The following MUC15 variants were observed in gnomAD, a reference collection of about 807,000 sequenced individuals.
The protein encoded by MUC15 is mucin 15, cell surface associated, also known as mucin-15.
A neutral mutation model predicts 24.0 loss-of-function variants in MUC15; 23 were observed. The ratio of observed to expected loss-of-function variants is 0.96; its 90% confidence interval spans 0.69 to 1.36. The LOEUF is 1.36. Ranked by LOEUF, MUC15 falls within the 40% of genes most tolerant of loss-of-function variation. MUC15 has a pLI of 0.00. For missense variants in MUC15, 442 were observed against 428.2 expected, an observed-to-expected ratio of 1.03 and a Z score of -0.29; for synonymous variants, 151 against 156.3, an observed-to-expected ratio of 0.97 and a Z score of 0.25.
At position 26,560,865 on chromosome 11, in the gene MUC15, A is replaced by G; in HGVS notation, c.*200T>C. 1 of 491,156 alleles carries G rather than the reference A, an allele frequency of 2.0e-6. No homozygotes were observed. Among genetic ancestry groups the G allele is most frequent in the Non-Finnish European group, 3.5e-6 (1 of 284,498 alleles). 30.4% of individuals were successfully genotyped at this position (491,156 alleles called of 1,614,324 possible). A position where few individuals can be genotyped will look rare whatever the true frequency, so the allele number is the denominator to read the frequency against. On this transcript the variant is annotated 3_prime_UTR_variant, in exon 5 of 5. Coordinates refer to ENST00000529533, the MANE Select transcript of MUC15 (RefSeq NM_001135091.2). ...ATTAAGGCTACTTAGTAAATGCCTCAGGATGGCCAAAAATTGTAAGAAAGA... is the reference window on the plus strand; with the variant it reads ...ATTAAGGCTACTTAGTAAATGCCTCGGGATGGCCAAAAATTGTAAGAAAGA...
At chr11:26,564,101 A>G (rs1239273062) in intron 3 of MUC15, among the ~76,000 whole-genome samples, 1 of 151,816 alleles carries the variant, frequency 6.6e-6, no homozygotes, top group Non-Finnish European at 1.5e-5. Flanking sequence ...ACTAAAAGAG[A>G]AGTAAGCTAA....
intron 3 of MUC15, 115 bp downstream of exon 3, chr11:26,565,050 T>C (rs1850511668): frequency 3.9e-5 from 41 of 1,048,702 alleles, no homozygotes; most frequent in Non-Finnish European, 5.0e-5. Context: ...AGAAAATCCA[T>C]GCTATTGTGT....
rs1394148373 is a variant in MUC15, at chr11:26,572,112, G to A, written c.-117C>T. 2.0e-6 allele frequency: 2 copies of A among 985,146 alleles called. No homozygotes were observed. Among genetic ancestry groups the A allele is most frequent in the Non-Finnish European group, 2.4e-6 (2 of 829,870 alleles). 61.0% of individuals were successfully genotyped at this position (985,146 alleles called of 1,614,324 possible). ...TTGTCCTGTCTGAAAGGAATCTGTC[G>A]TGCATTAGAGAAAACAGATGGGTTA... On this transcript the variant is annotated 5_prime_UTR_variant, in exon 1 of 5. In the 5' UTR this introduces an upstream ATG that the reference lacks. Transcript: ENST00000529533.
chr11:26,563,355 G>A lies in MUC15; in HGVS notation c.776-90C>T. The stretch of plus-strand genomic sequence containing the variant: ...GTGAACTTTCCATATAACAAAGAAT[G>A]TTTAACATTTTAAAATTAGATAATG... On this transcript the variant is annotated intron_variant, in intron 3 of 4. Coordinates refer to ENST00000529533, the MANE Select transcript of MUC15 (RefSeq NM_001135091.2). 3.1e-6 allele frequency: 4 copies of A among 1,278,794 alleles called. No individual in the cohort carries two copies. The South Asian group carries it at 4.8e-5, about 15-fold the overall frequency. 79.2% of individuals were successfully genotyped at this position (1,278,794 alleles called of 1,614,324 possible).
chr11:26,564,728 CACACATATATATATATATATATATAT>C (rs1273371487), intron 3 of MUC15, among the ~76,000 whole-genome samples: 139 of 36,162 alleles, frequency 3.8e-3, no homozygotes, highest in African/African-American at 0.015. Flanking sequence ...CACACACACA[CACACATATATATATATATATATATAT>C]ATATATATAT....
intron 3 of MUC15, 99 bp from the exon 4 acceptor site, chr11:26,563,364 T>C (rs1231168388): frequency 4.1e-6 from 5 of 1,234,338 alleles, no homozygotes; most frequent in Non-Finnish European, 5.5e-6. Flanking sequence ...TGTTTAACAT[T>C]TTAAAATTAG....
chr11:26,566,657 G>A (rs927788338), intron 2 of MUC15, among the ~76,000 whole-genome samples: 3 of 151,738 alleles, frequency 2.0e-5, no homozygotes, highest in Admixed American at 1.3e-4. Flanking sequence ...GGTGTGTGTG[G>A]GAAAATAAGC....
chr11:26,566,323 C>T (rs1015983359), intron 2 of MUC15, among the ~76,000 whole-genome samples: 13 of 151,778 alleles, frequency 8.6e-5, no homozygotes, highest in Admixed American at 3.3e-4. Flanking sequence ...TTTAAGAAAA[C>T]GCATTCTTTA....
chr11:26,560,799 C>A lies in MUC15; in HGVS notation c.*266G>T, dbSNP rs1320679476. 2.2e-5 allele frequency: 7 copies of A among 318,000 alleles called. No homozygotes were observed. The highest frequency in any genetic ancestry group is 5.3e-5 in the South Asian group (1 of 19,046). The allele number at this position is 318,000 out of a possible 1,614,324, so 19.7% of individuals were successfully genotyped here. A position where few individuals can be genotyped will look rare whatever the true frequency, so the allele number is the denominator to read the frequency against. ...TGAAATCTTTTAGTTTTATCTGATT[C>A]CACAAATATTTTCTACTAAGAAAAT... On this transcript the variant is annotated 3_prime_UTR_variant, in exon 5 of 5. Transcript: ENST00000529533.
intron 3 of MUC15, among the ~76,000 whole-genome samples, chr11:26,564,266 G>A (rs1015634596): frequency 6.6e-6 from 1 of 151,442 alleles, no homozygotes; most frequent in African/African-American, 2.4e-5. Context: ...ACAATATATT[G>A]ATAGTGGTAT....
Position 26,563,246 on chromosome 11 carries a change from T to C in MUC15, c.795A>G (p.Ile265Met). ...DPQKENRNTGIVFGAILGAIL... is the reference protein window; with the variant it reads ...DPQKENRNTGMVFGAILGAIL... Reference sequence around the variant, plus strand: ...TAGCACCTAAAATGGCCCCGAATACTATTCCTGTATTTCTATTTTCTACAG... The same window carrying C: ...TAGCACCTAAAATGGCCCCGAATACCATTCCTGTATTTCTATTTTCTACAG... The change falls in exon 4 of 5, where the codon ATA becomes ATG. Residue 265 changes from isoleucine to methionine, a missense_variant. Transcript: ENST00000529533. 6.2e-7 allele frequency: 1 copy of C among 1,600,860 alleles called. No individual in the cohort carries two copies. Among genetic ancestry groups the C allele is most frequent in the Non-Finnish European group, 8.5e-7 (1 of 1,174,298 alleles).
intron 4 of MUC15, among the ~76,000 whole-genome samples, chr11:26,561,501 T>C (rs558854231): frequency 6.6e-6 from 1 of 152,136 alleles, no homozygotes; most frequent in East Asian, 1.9e-4. Flanking sequence ...ATCAATACCT[T>C]GCATAAAGAA....
rs191203048 is a variant in MUC15, at chr11:26,570,033, G to A, written c.-46+2008C>T. The stretch of plus-strand genomic sequence containing the variant: ...ATCACAAACTCGAAAACCTTCTAAA[G>A]GTAGAATTACTATAAAGTGAACAGA... On this transcript the variant is annotated intron_variant, in intron 1 of 4. Coordinates refer to ENST00000529533, the MANE Select transcript of MUC15 (RefSeq NM_001135091.2). Among the ~76,000 whole-genome samples, 282 of 152,146 alleles carry A rather than the reference G, an allele frequency of 1.9e-3. 1 individual carries two copies. Among genetic ancestry groups the A allele is most frequent in the African/African-American group, 2.9e-3 (120 of 41,514 alleles).
chr11:26,565,385 C>T lies in MUC15; in HGVS notation c.555G>A (p.Val185=), dbSNP rs752688936. Residue 185 remains valine, a synonymous_variant, in exon 3 of 5, where the codon GTG becomes GTA. Coordinates refer to ENST00000529533, the MANE Select transcript of MUC15 (RefSeq NM_001135091.2). The part of the protein sequence containing the change: ...NFTWSLVNDT[V]KTPDNSSITV... ...TAATGGAACTGTTATCAGGAGTTTT[C>T]ACGGTGTCATTGACCAAAGACCAAG... The T allele has an allele frequency of 1.9e-6, 3 of 1,613,030 alleles. No individual in the cohort carries two copies. The highest frequency in any genetic ancestry group is 2.5e-6 in the Non-Finnish European group (3 of 1,179,462).
intron 2 of MUC15, among the ~76,000 whole-genome samples, chr11:26,566,466 G>T (rs1301410127): frequency 6.6e-6 from 1 of 151,774 alleles, no homozygotes; most frequent in African/African-American, 2.4e-5. Flanking sequence ...TATCTAGTTT[G>T]AATTAATACT....
intron 2 of MUC15, among the ~76,000 whole-genome samples, chr11:26,566,324 G>A (rs568559733): frequency 5.3e-4 from 81 of 151,898 alleles, no homozygotes; most frequent in Middle Eastern, 3.4e-3. Context: ...TTAAGAAAAC[G>A]CATTCTTTAT....
At position 26,560,981 on chromosome 11, in the gene MUC15, T is replaced by G; in HGVS notation, c.*84A>C. ...TGACAAAATCCACGTGACAGTAATTTTGTGTAACCTTTTGAAAGATGAATT... is the reference window on the plus strand; with the variant it reads ...TGACAAAATCCACGTGACAGTAATTGTGTGTAACCTTTTGAAAGATGAATT... On this transcript the variant is annotated 3_prime_UTR_variant, in exon 5 of 5. Coordinates refer to ENST00000529533, the MANE Select transcript of MUC15 (RefSeq NM_001135091.2). 7.3e-7 allele frequency: 1 copy of G among 1,368,752 alleles called. No homozygotes were observed. The highest frequency in any genetic ancestry group is 1.0e-6 in the Non-Finnish European group (1 of 997,046). 84.8% of individuals were successfully genotyped at this position (1,368,752 alleles called of 1,614,324 possible). A position where few individuals can be genotyped will look rare whatever the true frequency, so the allele number is the denominator to read the frequency against.
chr11:26,561,978 G>C (rs761471256), intron 4 of MUC15, among the ~76,000 whole-genome samples: 7 of 151,754 alleles, frequency 4.6e-5, no homozygotes, highest in Non-Finnish European at 7.4e-5. Context: ...TACAAATTGG[G>C]CTCCCAGGAA....
chr11:26,563,322 C>G, intron 3 of MUC15, 57 bp from the exon 4 acceptor site: 1 of 1,501,454 alleles, frequency 6.7e-7, no homozygotes, highest in South Asian at 1.3e-5. Context: ...GAACCGAACT[C>G]TATGCATGTG....
Sources: gnomAD v4.1 joint callset for allele counts (sites outside exome capture counted in the v4.1 genomes callset) on GRCh38, gnomAD v4.1.1 for gene constraint, MANE v1.5 for transcripts, NCBI Gene and HGNC (gene_info 2026-07-23, HGNC 2026-07-21) for gene names.